The following LRRC1 variants were observed in gnomAD, a reference collection of about 807,000 sequenced individuals.
LRRC1 encodes the protein leucine rich repeat containing 1, also known as leucine-rich repeat-containing protein 1.
A neutral mutation model predicts 69.9 loss-of-function variants in LRRC1; 28 were observed. That is an observed-to-expected ratio of 0.40 (90% CI 0.30 to 0.55). The LOEUF (loss-of-function observed/expected upper bound fraction) is 0.55. Among genes scored for constraint, LRRC1 ranks in the 20% least tolerant of loss-of-function variants. The probability of loss-of-function intolerance (pLI) is 0.47; values close to 1 mark genes in which losing one functional copy is unlikely to be tolerated. For missense variants in LRRC1, 498 were observed against 609.0 expected, an observed-to-expected ratio of 0.82 and a Z score of 1.92; for synonymous variants, 236 against 240.2, an observed-to-expected ratio of 0.98 and a Z score of 0.16.
intron 2 of LRRC1, among the ~76,000 whole-genome samples, chr6:53,845,118 C>T (rs1255539295): frequency 2.0e-5 from 3 of 152,162 alleles, no homozygotes; most frequent in Non-Finnish European, 2.9e-5. Context: ...GCAGGAGAAT[C>T]GCTTGAACCC....
At chr6:53,801,563 ACC>A (rs201993614) in intron 1 of LRRC1, among the ~76,000 whole-genome samples, 2,265 of 152,260 alleles carry the variant, frequency 0.015, 67 homozygotes, top group African/African-American at 0.052. Flanking sequence ...TTTCTCAGAT[ACC>A]CTGTTACTAT....
chr6:53,810,717 G>A (rs530247015), intron 1 of LRRC1, among the ~76,000 whole-genome samples: 1 of 152,220 alleles, frequency 6.6e-6, no homozygotes, highest in South Asian at 2.1e-4. Context: ...ACATAAATAG[G>A]GTATAATAAA....
At chr6:53,892,907 G>A (rs967690661) in intron 4 of LRRC1, among the ~76,000 whole-genome samples, 12 of 152,174 alleles carry the variant, frequency 7.9e-5, no homozygotes, top group African/African-American at 2.9e-4. Flanking sequence ...TATGCTGTGA[G>A]GTTTGGGCTC....
At chr6:53,874,493 C>T (rs1372723747) in intron 2 of LRRC1, among the ~76,000 whole-genome samples, 3 of 152,134 alleles carry the variant, frequency 2.0e-5, no homozygotes, top group Non-Finnish European at 2.9e-5. Flanking sequence ...TTGTTTTTCA[C>T]TACCTCATTT....
intron 2 of LRRC1, among the ~76,000 whole-genome samples, chr6:53,844,289 T>G (rs1322637465): frequency 6.6e-6 from 1 of 152,188 alleles, no homozygotes; most frequent in Non-Finnish European, 1.5e-5. Flanking sequence ...TCACAAAATC[T>G]GAAGAAATAC....
intron 1 of LRRC1, among the ~76,000 whole-genome samples, chr6:53,803,178 C>A (rs1462537626): frequency 1.3e-5 from 2 of 152,156 alleles, no homozygotes; most frequent in Non-Finnish European, 2.9e-5. Context: ...TAGGAGTAAG[C>A]CACTCTTGAG....
intron 1 of LRRC1, among the ~76,000 whole-genome samples, chr6:53,841,111 C>T (rs1765774188): frequency 6.6e-6 from 1 of 152,148 alleles, no homozygotes; most frequent in Non-Finnish European, 1.5e-5. Flanking sequence ...TGGGATCTTA[C>T]TGACCAGGCT....
intron 2 of LRRC1, among the ~76,000 whole-genome samples, chr6:53,878,644 C>T (rs1438394059): frequency 2.6e-5 from 4 of 152,162 alleles, no homozygotes; most frequent in Non-Finnish European, 5.9e-5. Flanking sequence ...AAGCTTTGCT[C>T]ACCCGCCTGC....
intron 1 of LRRC1, among the ~76,000 whole-genome samples, chr6:53,813,751 CA>C (rs1379425767): frequency 1.3e-5 from 2 of 152,084 alleles, no homozygotes; most frequent in African/African-American, 4.8e-5. Context: ...AGGACTGTGG[CA>C]GGGGGTGAAG....
At chr6:53,911,201 CAA>C (rs1263255201) in intron 10 of LRRC1, among the ~76,000 whole-genome samples, 1 of 152,212 alleles carries the variant, frequency 6.6e-6, no homozygotes, top group Admixed American at 6.5e-5. Context: ...AAAAATGAAA[CAA>C]TAACACACAG....
intron 2 of LRRC1, among the ~76,000 whole-genome samples, chr6:53,851,374 T>G (rs549038707): frequency 1.9e-4 from 29 of 152,070 alleles, no homozygotes; most frequent in Non-Finnish European, 2.5e-4. Context: ...TCTGAAGGCC[T>G]GAGAACCAGG....
intron 12 of LRRC1, 147 bp from the exon 13 acceptor site, chr6:53,920,478 C>A (rs2294789): frequency 0.19 from 138,825 of 722,458 alleles, 16,183 homozygotes; most frequent in East Asian, 0.5. Context: ...TGTTTTAAAG[C>A]CAAACTTGCA....
chr6:53,800,397 G>T lies in LRRC1; in HGVS notation c.159+4982G>T, dbSNP rs559538428. ...TCTCGAGTAAGCTGGGATTACAGGC[G>T]CACACCACCACGCCCAGCTAATTTT... On this transcript the variant is annotated intron_variant, in intron 1 of 13. Coordinates refer to ENST00000370888, the MANE Select transcript of LRRC1 (RefSeq NM_018214.5). Among the ~76,000 whole-genome samples, 36 of 151,462 alleles carry T rather than the reference G, an allele frequency of 2.4e-4. No individual in the cohort carries two copies. The South Asian group carries it at 7.1e-3, about 30-fold the overall frequency.
In LRRC1 at chr6:53,857,321, C is replaced by T. The variant is rs528524872; in HGVS notation, c.277+15094C>T. Among the ~76,000 whole-genome samples the T allele has an allele frequency of 3.3e-5, 5 of 152,260 alleles. No individual in the cohort carries two copies. The South Asian group carries it at 8.3e-4, about 25-fold the overall frequency. On this transcript the variant is annotated intron_variant, in intron 2 of 13. Coordinates refer to ENST00000370888, the MANE Select transcript of LRRC1 (RefSeq NM_018214.5). ...ATTCTGAGAAGGAACAGCAGGAAGA[C>T]TGGTCAGCAGTGGGGACTGGTAGTG...
chr6:53,902,844 C>A, intron 9 of LRRC1, 97 bp downstream of exon 9: 2 of 748,734 alleles, frequency 2.7e-6, no homozygotes, highest in South Asian at 4.5e-5. Context: ...CTTCATATTA[C>A]ATCCCAAAAC....
rs117700937 is a variant in LRRC1, at chr6:53,842,772, G to A, written c.277+545G>A. Among the ~76,000 whole-genome samples, 306 of 152,300 alleles carry A rather than the reference G, an allele frequency of 2.0e-3. 4 individuals carry two copies. In the East Asian group the frequency reaches 0.041, roughly 20 times the overall value. On this transcript the variant is annotated intron_variant, in intron 2 of 13. Coordinates refer to ENST00000370888, the MANE Select transcript of LRRC1 (RefSeq NM_018214.5). ...CCCTGTAGTGAACAGACCTGCTTGC[G>A]TTCAGGCATCTTCTGTCTTAATGTG...
At chr6:53,894,021 C>T (rs1217288723) in intron 4 of LRRC1, among the ~76,000 whole-genome samples, 3 of 152,166 alleles carry the variant, frequency 2.0e-5, no homozygotes, top group Non-Finnish European at 4.4e-5. Flanking sequence ...GCAAAAATTC[C>T]AGTGTCTCTT....
chr6:53,900,854 A>G (rs766204027), intron 8 of LRRC1, among the ~76,000 whole-genome samples: 2 of 152,240 alleles, frequency 1.3e-5, no homozygotes, highest in Non-Finnish European at 2.9e-5. Context: ...GTATTTAACC[A>G]TGGAGTTATC....
At chr6:53,922,568 G>A (rs1768769084) in intron 13 of LRRC1, 67 bp from the exon 14 acceptor site, 5 of 1,404,612 alleles carry the variant, frequency 3.6e-6, no homozygotes, top group Non-Finnish European at 4.9e-6. Context: ...CTAATGCCTT[G>A]AAGCTGCATG....
Sources: gnomAD v4.1 joint callset for allele counts (sites outside exome capture counted in the v4.1 genomes callset) on GRCh38, gnomAD v4.1.1 for gene constraint, MANE v1.5 for transcripts, NCBI Gene and HGNC (gene_info 2026-07-23, HGNC 2026-07-21) for gene names.